DENND4A: variants seen among roughly 807,000 people sequenced by gnomAD.
DENND4A encodes C-myc promoter-binding protein.
A neutral mutation model predicts 199.3 loss-of-function variants in DENND4A; 70 were observed. That is an observed-to-expected ratio of 0.35 (90% CI 0.29 to 0.43). DENND4A has a LOEUF of 0.43. Ranked by LOEUF, DENND4A falls within the 20% of genes least tolerant of loss-of-function variation. DENND4A has a pLI of 1.00. For synonymous variants in DENND4A, 686 were observed against 766.9 expected (o/e 0.89, Z 1.74); for missense variants, 1,723 against 2,255.8 (o/e 0.76, Z 4.78).
rs895541740 is a variant in DENND4A at position 65,745,540 on chromosome 15, T to C, written c.562-3756A>G. Among the ~76,000 whole-genome samples, 20 of 152,074 alleles carry C rather than the reference T, an allele frequency of 1.3e-4. 1 individual carries two copies. Among genetic ancestry groups the C allele is most frequent in the Admixed American group, 4.6e-4 (7 of 15,276 alleles). ...AAATATTTTTTAAGTCACATGAATA[T>C]GTAAAAGTCAAGCAGATATTATGAA... On this transcript the variant is annotated intron_variant, in intron 4 of 32. Transcript: ENST00000443035.
At chr15:65,756,053 TAATGACCAG>T in intron 3 of DENND4A, 78 bp downstream of exon 3, 1 of 1,176,212 alleles carries the variant, frequency 8.5e-7, no homozygotes, top group Non-Finnish European at 1.2e-6. Context: ...ATACATCTAT[TAATGACCAG>T]AATGAACAGT....
At chr15:65,791,470 A>G (rs1363859971) in intron 1 of DENND4A, among the ~76,000 whole-genome samples, 1 of 133,554 alleles carries the variant, frequency 7.5e-6, no homozygotes, top group Non-Finnish European at 1.6e-5. Flanking sequence ...CACCCCCCCA[A>G]AAAGACTAGA....
intron 17 of DENND4A, 46 bp from the exon 18 acceptor site, chr15:65,701,936 GT>G: frequency 6.2e-7 from 1 of 1,609,504 alleles, no homozygotes; most frequent in African/African-American, 1.3e-5. Flanking sequence ...ATGTCACCAT[GT>G]ACATAAATCT....
chr15:65,722,132 C>A (rs2075665461), intron 12 of DENND4A, among the ~76,000 whole-genome samples: 1 of 152,184 alleles, frequency 6.6e-6, no homozygotes, highest in Non-Finnish European at 1.5e-5. Context: ...TCAGCATTTT[C>A]TAATGTAGTT....
At chr15:65,702,208 G>T in intron 17 of DENND4A, 97 bp downstream of exon 17, 1 of 1,005,934 alleles carries the variant, frequency 9.9e-7, no homozygotes, top group Non-Finnish European at 1.5e-6. Flanking sequence ...GGTTAAGACT[G>T]CAGTGAGCCA....
Position 65,663,196 on chromosome 15 carries a change from A to ATT in DENND4A, c.5587+1133_5587+1134insAA, listed in dbSNP as rs1366096279. Among the ~76,000 whole-genome samples the ATT allele has an allele frequency of 2.5e-3, 287 of 117,020 alleles. 1 individual carries two copies. Among genetic ancestry groups the ATT allele is most frequent in the African/African-American group, 6.3e-3 (179 of 28,536 alleles). 76.8% of individuals were successfully genotyped at this position (117,020 alleles called of 152,430 possible). A position where few individuals can be genotyped will look rare whatever the true frequency, so the allele number is the denominator to read the frequency against. ...TGTGTGTATATATATATATATATATATATTTTTTTTTTTTTATTTTTTTTT... is the reference window on the plus strand; with the variant it reads ...TGTGTGTATATATATATATATATATATTTATTTTTTTTTTTTTATTTTTTTTT... On this transcript the variant is annotated intron_variant, in intron 32 of 32. Transcript: ENST00000443035.
chr15:65,729,005 T>C, intron 11 of DENND4A, 67 bp downstream of exon 11: 2 of 1,386,278 alleles, frequency 1.4e-6, no homozygotes, highest in Non-Finnish European at 2.0e-6. Context: ...AATCATAAAA[T>C]ATACAGTTAC....
chr15:65,686,666 T>C (rs1198689141), intron 23 of DENND4A, among the ~76,000 whole-genome samples: 1 of 152,064 alleles, frequency 6.6e-6, no homozygotes, highest in Non-Finnish European at 1.5e-5. Flanking sequence ...ACCTCCTGAG[T>C]AGCTGGAACT....
Position 65,756,274 on chromosome 15 carries a change from G to T in DENND4A, c.177C>A (p.Val59=). Residue 59 remains valine, a synonymous_variant, in exon 3 of 33, where the codon GTC becomes GTA. Coordinates refer to ENST00000443035, the MANE Select transcript of DENND4A (RefSeq NM_001320835.1). ...CATCAATACAGATATAATCCTGTGGGACTTCCTCCCCAAGAGATTTGATAA... is the reference window on the plus strand; with the variant it reads ...CATCAATACAGATATAATCCTGTGGTACTTCCTCCCCAAGAGATTTGATAA... ...SVIIKSLGEE[V]PQDYICIDVT... The T allele has an allele frequency of 3.1e-6, 5 of 1,613,224 alleles. No homozygotes were observed.
At chr15:65,696,344 A>C in intron 22 of DENND4A, 22 bp downstream of exon 22, 1 of 1,606,188 alleles carries the variant, frequency 6.2e-7, no homozygotes. Context: ...CGCACATAAC[A>C]CAAGCGTACT....
chr15:65,787,504 A>C (rs1005138334), intron 1 of DENND4A, among the ~76,000 whole-genome samples: 4 of 152,200 alleles, frequency 2.6e-5, no homozygotes, highest in Non-Finnish European at 5.9e-5. Context: ...AAGGAAGCAC[A>C]AAGTAGGAAC....
chr15:65,780,673 A>G (rs1044188951), intron 1 of DENND4A, among the ~76,000 whole-genome samples: 5 of 152,272 alleles, frequency 3.3e-5, no homozygotes, highest in African/African-American at 9.6e-5. Context: ...AACGATAGTT[A>G]TAATAGCTTA....
chr15:65,768,142 A>G (rs534693838), intron 1 of DENND4A, among the ~76,000 whole-genome samples: 1 of 152,076 alleles, frequency 6.6e-6, no homozygotes, highest in South Asian at 2.1e-4. Context: ...CTATAGGCGC[A>G]CACCACCACG....
intron 12 of DENND4A, among the ~76,000 whole-genome samples, chr15:65,721,310 A>T (rs1399757407): frequency 1.3e-5 from 2 of 152,026 alleles, no homozygotes; most frequent in African/African-American, 2.4e-5. Flanking sequence ...GCTACTTTGG[A>T]ATCATCTACT....
At chr15:65,778,708 C>T (rs1415300084) in intron 1 of DENND4A, among the ~76,000 whole-genome samples, 1 of 151,596 alleles carries the variant, frequency 6.6e-6, no homozygotes, top group Non-Finnish European at 1.5e-5. Flanking sequence ...ACCATCCTAG[C>T]TAACAGTGAA....
At chr15:65,726,767 C>A (rs1346551969) in intron 11 of DENND4A, among the ~76,000 whole-genome samples, 3 of 151,916 alleles carry the variant, frequency 2.0e-5, no homozygotes, top group African/African-American at 7.3e-5. Flanking sequence ...ACCAGCCTGG[C>A]CAACACGGTG....
In DENND4A at chr15:65,691,154, G is replaced by C. The variant is rs1229453189; in HGVS notation, c.3440C>G (p.Thr1147Arg). ...CAAATAGTTAGAACCATCAAAAGGT[G>C]TATCATCATCACTAGATTCCTTTTC... ...SLEKESSDDD[T>R]PFDGSNYLAD... The change falls in exon 23 of 33, where the codon ACA becomes AGA. Residue 1147 changes from threonine (T) to arginine (R), a missense_variant. Thr to Arg is a moderately conservative substitution (Grantham distance 71). Transcript: ENST00000443035. The C allele has an allele frequency of 9.9e-6, 16 of 1,613,360 alleles. No individual in the cohort carries two copies. The highest frequency in any genetic ancestry group is 1.4e-5 in the Non-Finnish European group (16 of 1,179,736).
intron 32 of DENND4A, among the ~76,000 whole-genome samples, chr15:65,663,057 C>G (rs2075905001): frequency 6.6e-6 from 1 of 151,996 alleles, no homozygotes; most frequent in African/African-American, 2.4e-5. Context: ...TCAAATAACA[C>G]TATTCATGAT....
chr15:65,737,734 G>T lies in DENND4A; in HGVS notation c.1013C>A (p.Ser338Tyr). ...CTCAATTGGAAGGACATGAGGCCCA[G>T]AGATGGAATAACGATACAGAAAAGT... ...FLTFLYRYSISGPHVLPIEKH... is the reference protein window; with the variant it reads ...FLTFLYRYSIYGPHVLPIEKH... The change falls in exon 7 of 33, where the codon TCT (serine) becomes TAT (tyrosine). Residue 338 changes from serine to tyrosine, a missense_variant. Physicochemically the swap from Ser to Tyr is moderately radical, Grantham distance 144. Coordinates refer to ENST00000443035, the MANE Select transcript of DENND4A (RefSeq NM_001320835.1). 1 of 1,580,568 alleles carries T rather than the reference G, an allele frequency of 6.3e-7. No individual in the cohort carries two copies. The highest frequency in any genetic ancestry group is 2.3e-5 in the East Asian group (1 of 43,442).
Sources: gnomAD v4.1 joint callset for allele counts (sites outside exome capture counted in the v4.1 genomes callset) on GRCh38, gnomAD v4.1.1 for gene constraint, MANE v1.5 for transcripts, NCBI Gene and HGNC (gene_info 2026-07-23, HGNC 2026-07-21) for gene names.